Variants in NCAPH observed in about 807,000 individuals in gnomAD.
NCAPH encodes the protein non-SMC condensin I complex subunit H.
Under a neutral mutation model 85.5 loss-of-function variants are expected in NCAPH, and 38 were observed. The ratio of observed to expected loss-of-function variants is 0.44; its 90% CI spans 0.34 to 0.58. The LOEUF (loss-of-function observed/expected upper bound fraction) is 0.58. Ranked by LOEUF, NCAPH falls within the 20% of genes least tolerant of loss-of-function variation. The probability of loss-of-function intolerance (pLI) is 0.01; values close to 1 mark genes in which losing one functional copy is unlikely to be tolerated. For missense variants in NCAPH, 789 were observed against 916.6 expected, an observed-to-expected ratio of 0.86 and a Z score of 1.80; for synonymous variants, 301 against 335.1, an observed-to-expected ratio of 0.90 and a Z score of 1.11.
chr2:96,351,946 A>T lies in NCAPH; in HGVS notation c.836A>T (p.Asp279Val), dbSNP rs751898020. The T allele has an allele frequency of 4.3e-6, 7 of 1,614,080 alleles. No homozygotes were observed. The South Asian group carries it at 5.5e-5, about 13-fold the overall frequency. The stretch of plus-strand genomic sequence containing the variant: ...AGAAGTGAACTGCTGTTTCCCTCTG[A>T]TGTCCAGACTCTCTCCACGGGAGAA... Reference protein sequence around the residue: ...DYRSELLFPSDVQTLSTGEPL... With the variant: ...DYRSELLFPSVVQTLSTGEPL... The change falls in exon 7 of 18, where the codon GAT (aspartate) becomes GTT (valine). Residue 279 changes from aspartate to valine, a missense_variant. By Grantham distance (152) the Asp-to-Val change is radical. Transcript: ENST00000240423.
At chr2:96,335,960 G>C in intron 1 of NCAPH, 112 bp downstream of exon 1, 6 of 1,205,222 alleles carry the variant, frequency 5.0e-6, no homozygotes, top group East Asian at 3.2e-5. Context: ...TGCTCAGCTC[G>C]GGTCTTGGCC....
chr2:96,356,324 C>A (rs1181486616), intron 9 of NCAPH, among the ~76,000 whole-genome samples: 1 of 152,106 alleles, frequency 6.6e-6, no homozygotes, highest in Non-Finnish European at 1.5e-5. Flanking sequence ...CTTGCCGTTA[C>A]TAGCCCTGAG....
chr2:96,370,593 A>C (rs1436683483), intron 17 of NCAPH, among the ~76,000 whole-genome samples: 1 of 152,214 alleles, frequency 6.6e-6, no homozygotes, highest in Non-Finnish European at 1.5e-5. Context: ...CTACCACTGG[A>C]AGTCAGAGAC....
intron 1 of NCAPH, among the ~76,000 whole-genome samples, chr2:96,339,160 T>C (rs1333002019): frequency 2.0e-5 from 3 of 152,218 alleles, no homozygotes; most frequent in African/African-American, 7.2e-5. Flanking sequence ...ACAGCAGCCA[T>C]AGAAAACTAA....
chr2:96,370,185 C>T (rs1235346325), intron 17 of NCAPH, among the ~76,000 whole-genome samples: 3 of 152,184 alleles, frequency 2.0e-5, no homozygotes, highest in African/African-American at 4.8e-5. Context: ...ATTAGGGTCC[C>T]CAGCCAGCTG....
rs555019565 is a variant in NCAPH at position 96,346,367 on chromosome 2, G to A, written c.720+2138G>A. On this transcript the variant is annotated intron_variant, in intron 6 of 17. Transcript: ENST00000240423. ...TAGACAACTTAGGGTCTACTTGAGG[G>A]TGGTGGCAGATGGATATAAAGTGAG... Among the ~76,000 whole-genome samples, 193 of 152,258 alleles carry A rather than the reference G, an allele frequency of 1.3e-3. 1 individual carries two copies. The highest frequency in any genetic ancestry group is 4.6e-3 in the African/African-American group (190 of 41,548).
At chr2:96,350,237 A>C (rs149124988) in intron 6 of NCAPH, among the ~76,000 whole-genome samples, 2 of 152,328 alleles carry the variant, frequency 1.3e-5, no homozygotes, top group East Asian at 1.9e-4. Flanking sequence ...GTCCCATTGA[A>C]TTGCTTGGGG....
At chr2:96,361,850 A>G (rs2064627542) in intron 12 of NCAPH, among the ~76,000 whole-genome samples, 1 of 116,320 alleles carries the variant, frequency 8.6e-6, no homozygotes, top group East Asian at 2.3e-4. Flanking sequence ...TTTTCCCTGA[A>G]TTGACTGATA....
At chr2:96,355,637 G>GTT (rs1292056086) in intron 9 of NCAPH, among the ~76,000 whole-genome samples, 1 of 148,612 alleles carries the variant, frequency 6.7e-6, no homozygotes, top group Admixed American at 6.7e-5. Flanking sequence ...TTGTTTTTAT[G>GTT]TTTTTTTGTT....
chr2:96,367,267 T>C lies in NCAPH; in HGVS notation c.1892T>C (p.Ile631Thr), dbSNP rs2064713011. Residue 631 changes from isoleucine to threonine, a missense_variant, in exon 15 of 18, where the codon ATT (isoleucine) becomes ACT (threonine). Coordinates refer to ENST00000240423, the MANE Select transcript of NCAPH (RefSeq NM_015341.5). ...LVAEPQKVNKIEIHYAKTAKK... is the reference protein window; with the variant it reads ...LVAEPQKVNKTEIHYAKTAKK... ...ATATACCTATTTCAGGTAAATAAAA[T>C]TGAAATTCACTATGCCAAGACTGCC... 1 of 1,610,206 alleles carries C rather than the reference T, an allele frequency of 6.2e-7. No individual in the cohort carries two copies. The highest frequency in any genetic ancestry group is 8.5e-7 in the Non-Finnish European group (1 of 1,176,946).
rs993243150 is a variant in NCAPH at position 96,375,556 on chromosome 2, C to T, written c.*2205C>T. On this transcript the variant is annotated 3_prime_UTR_variant, in exon 18 of 18. Transcript: ENST00000240423. The stretch of plus-strand genomic sequence containing the variant: ...CCTCACCAGACAGCAAATCTGCCGG[C>T]GTCTTGATCTTGGACTTCTCAGCCT... Among the ~76,000 whole-genome samples the T allele has an allele frequency of 7.9e-5, 12 of 152,156 alleles. No homozygotes were observed. Among genetic ancestry groups the T allele is most frequent in the Admixed American group, 2.0e-4 (3 of 15,274 alleles).
intron 6 of NCAPH, among the ~76,000 whole-genome samples, chr2:96,347,535 G>A (rs2064378110): frequency 6.6e-6 from 1 of 152,104 alleles, no homozygotes; most frequent in South Asian, 2.1e-4. Context: ...TAATCCTCAG[G>A]AACTAAGTGG....
intron 12 of NCAPH, 72 bp downstream of exon 12, chr2:96,360,782 C>T: frequency 2.6e-6 from 4 of 1,565,782 alleles, no homozygotes; most frequent in Non-Finnish European, 3.5e-6. Flanking sequence ...TTAGGCAGTG[C>T]CTTTGAGGAA....
intron 5 of NCAPH, 99 bp from the exon 6 acceptor site, chr2:96,344,006 A>G (rs954674690): frequency 4.8e-6 from 7 of 1,463,568 alleles, no homozygotes; most frequent in Non-Finnish European, 5.5e-6. Context: ...CTGGCCTCAC[A>G]TGTTTAAATT....
intron 14 of NCAPH, among the ~76,000 whole-genome samples, chr2:96,366,935 C>A (rs966830669): frequency 1.4e-5 from 2 of 144,346 alleles, no homozygotes; most frequent in South Asian, 4.5e-4. Context: ...TGGTGAAATA[C>A]CATCTCTACT....
intron 17 of NCAPH, among the ~76,000 whole-genome samples, chr2:96,370,363 G>A (rs980286061): frequency 2.0e-5 from 3 of 152,206 alleles, no homozygotes; most frequent in Admixed American, 6.5e-5. Flanking sequence ...CTATGTGAAC[G>A]CCGAAATGTG....
rs570252848 is a variant in NCAPH, at chr2:96,358,567, C to T, written c.1209-478C>T. On this transcript the variant is annotated intron_variant, in intron 9 of 17. Coordinates refer to ENST00000240423, the MANE Select transcript of NCAPH (RefSeq NM_015341.5). ...CACTGCAAGCTCCACCTCCTGGGTT[C>T]ACGCCATTCTCCTGCCTCAGCCTCC... is the stretch of plus-strand genomic sequence containing the variant. Among the ~76,000 whole-genome samples the T allele has an allele frequency of 2.0e-5, 3 of 152,250 alleles. No homozygotes were observed. In the South Asian group the frequency reaches 6.2e-4, roughly 32 times the overall value.
intron 1 of NCAPH, among the ~76,000 whole-genome samples, chr2:96,339,105 C>A (rs1419425148): frequency 1.3e-5 from 2 of 152,214 alleles, no homozygotes; most frequent in African/African-American, 2.4e-5. Flanking sequence ...ACCACCGCGC[C>A]CAGCCACATG....
At chr2:96,365,829 GCTC>G in intron 13 of NCAPH, 44 bp from the exon 14 acceptor site, 1 of 1,592,536 alleles carries the variant, frequency 6.3e-7, no homozygotes, top group Non-Finnish European at 8.6e-7. Flanking sequence ...GTGTTTCTGA[GCTC>G]CTCTGCAGCG....
Sources: allele counts gnomAD v4.1 joint callset (sites outside exome capture counted in the v4.1 genomes callset), GRCh38; gene constraint gnomAD v4.1.1; transcripts MANE v1.5; gene names NCBI Gene and HGNC (gene_info 2026-07-23, HGNC 2026-07-21).